Variants in GSDMB observed in about 807,000 individuals in gnomAD.
GSDMB encodes the protein gasdermin B.
In GSDMB, 32 loss-of-function variants were observed where a neutral mutation model predicts 42.9. That is an observed-to-expected ratio of 0.75 (90% CI 0.56 to 1.00). GSDMB has a LOEUF of 1.00. Among genes scored for constraint, GSDMB ranks in the 50% least tolerant of loss-of-function variants. The pLI is 0.00. For missense variants in GSDMB, 468 were observed against 498.5 expected (o/e 0.94, Z 0.58); for synonymous variants, 175 against 193.7 (o/e 0.90, Z 0.80).
chr17:39,916,079 G>C (rs1273855305), intron 2 of GSDMB, among the ~76,000 whole-genome samples: 1 of 152,020 alleles, frequency 6.6e-6, no homozygotes, highest in Non-Finnish European at 1.5e-5. Context: ...AGAGGCAGGG[G>C]GTTGGAATAA....
intron 5 of GSDMB, 108 bp downstream of exon 5, chr17:39,908,850 G>T: frequency 1.3e-6 from 1 of 748,766 alleles, no homozygotes; most frequent in Non-Finnish European, 2.3e-6. Context: ...CAACCTCCAA[G>T]CTCACCAGCC....
chr17:39,912,578 C>A, intron 2 of GSDMB, 81 bp from the exon 3 acceptor site: 1 of 1,101,718 alleles, frequency 9.1e-7, no homozygotes, highest in East Asian at 2.4e-5. Flanking sequence ...GGGGCAGCCC[C>A]ATCCTGGGTT....
chr17:39,914,833 C>CTTTTTTTTTTTTTTTTTTTTTT (rs79835993), intron 2 of GSDMB, among the ~76,000 whole-genome samples: 3 of 140,050 alleles, frequency 2.1e-5, no homozygotes, highest in African/African-American at 2.7e-5. Flanking sequence ...CCTATGCACA[C>CTTTTTTTTTTTTTTTTTTTTTT]TTTTTTTTTT....
chr17:39,907,312 T>A, intron 6 of GSDMB: 1 of 549,572 alleles, frequency 1.8e-6, no homozygotes, highest in Non-Finnish European at 2.5e-6. Context: ...TCTTAGGCAG[T>A]ACAACCCTGC....
chr17:39,905,746 G>T, intron 9 of GSDMB, 101 bp downstream of exon 9: 2 of 1,330,472 alleles, frequency 1.5e-6, no homozygotes, highest in Non-Finnish European at 2.1e-6. Context: ...CCCATAAACT[G>T]TGAAGAGCAA....
chr17:39,905,388 T>C (rs1417827986), intron 10 of GSDMB, 38 bp downstream of exon 10: 8 of 1,421,696 alleles, frequency 5.6e-6, no homozygotes, highest in Non-Finnish European at 7.9e-6. Context: ...GGCATTCCCT[T>C]CCACTATGAC....
Position 39,904,931 on chromosome 17 carries a change from G to C in GSDMB, c.1132C>G (p.Leu378Val). The C allele has an allele frequency of 6.2e-7, 1 of 1,613,748 alleles. No individual in the cohort carries two copies. Among genetic ancestry groups the C allele is most frequent in the Non-Finnish European group, 8.5e-7 (1 of 1,179,718 alleles). Residue 378 changes from leucine (L) to valine (V), a missense_variant, in exon 11 of 11, where the codon CTG (leucine) becomes GTG (valine). Coordinates refer to ENST00000418519, the MANE Select transcript of GSDMB (RefSeq NM_001165958.2). ...TCCATGTCAGGAGGACTGCTGGCCA[G>C]CTCATCCCAGTTCTGCTCCATGACA... The part of the protein sequence containing the change: ...KSVMEQNWDE[L>V]ASSPPDMDYD...
At chr17:39,906,627 T>A in intron 7 of GSDMB, 1 of 1,302,380 alleles carries the variant, frequency 7.7e-7, no homozygotes. Flanking sequence ...AAAGCAGTGG[T>A]TCTCAACCTT....
Position 39,904,699 on chromosome 17 carries a change from G to T in GSDMB, c.*113C>A. 2.4e-6 allele frequency: 2 copies of T among 835,428 alleles called. No individual in the cohort carries two copies. Among genetic ancestry groups the T allele is most frequent in the East Asian group, 2.5e-5 (1 of 40,164 alleles). 51.8% of individuals were successfully genotyped at this position (835,428 alleles called of 1,614,324 possible). On this transcript the variant is annotated 3_prime_UTR_variant, in exon 11 of 11. Transcript: ENST00000418519. ...AATGGGATACATCAAAGAATGGTTG[G>T]CTGCTTGTTTTAAAGAGGTCCCACT...
Position 39,905,733 on chromosome 17 carries a change from C to A in GSDMB, c.1027+114G>T, listed in dbSNP as rs894272198. ...GGCCTGAGGAAGACATGAAGGAGTG[C>A]CCCCCATAAACTGTGAAGAGCAACA... On this transcript the variant is annotated intron_variant, in intron 9 of 10. Coordinates refer to ENST00000418519, the MANE Select transcript of GSDMB (RefSeq NM_001165958.2). The A allele has an allele frequency of 5.0e-5, 60 of 1,188,350 alleles. 1 individual carries two copies. In the Admixed American group the frequency reaches 1.1e-3, roughly 23 times the overall value. The allele number at this position is 1,188,350 out of a possible 1,614,324, so 73.6% of individuals were successfully genotyped here. A position where few individuals can be genotyped will look rare whatever the true frequency, so the allele number is the denominator to read the frequency against.
chr17:39,916,545 C>T (rs1394256045), intron 2 of GSDMB, among the ~76,000 whole-genome samples: 2 of 152,006 alleles, frequency 1.3e-5, no homozygotes, highest in Non-Finnish European at 2.9e-5. Flanking sequence ...CCACCTCGGC[C>T]TCCCAAAGTG....
In GSDMB at chr17:39,908,967, C is replaced by G. The variant is rs1271707898; in HGVS notation, c.652G>C (p.Glu218Gln). 1 of 1,601,784 alleles carries G rather than the reference C, an allele frequency of 6.2e-7. No individual in the cohort carries two copies. Residue 218 changes from glutamate (E) to glutamine (Q), a missense_variant, in exon 5 of 11, where the codon GAG becomes CAG. Physicochemically the swap from Glu to Gln is conservative, Grantham distance 29 (BLOSUM62 2). Transcript: ENST00000418519. Reference sequence around the variant, plus strand: ...ATCTGCCTTTGCTTACTCATCGTCTCCTTGTTGGGGAAGACAAGCTGCTTT... The same window carrying G: ...ATCTGCCTTTGCTTACTCATCGTCTGCTTGTTGGGGAAGACAAGCTGCTTT... ...RVKQLVFPNK[E>Q]TMNIHFRGKT...
intron 9 of GSDMB, 94 bp from the exon 10 acceptor site, chr17:39,905,590 T>A (rs1453835508): frequency 9.2e-7 from 1 of 1,088,916 alleles, no homozygotes; most frequent in East Asian, 2.5e-5. Flanking sequence ...CATCAAAAGG[T>A]TCCAGAGAGC....
chr17:39,918,083 A>C (rs2063748331), intron 1 of GSDMB: 1 of 152,216 alleles, frequency 6.6e-6, no homozygotes, highest in Non-Finnish European at 1.5e-5. Flanking sequence ...AAGGGATGGA[A>C]AGGCAGGCCC....
At chr17:39,918,160 G>C (rs1395662751) in intron 1 of GSDMB, 1 of 152,176 alleles carries the variant, frequency 6.6e-6, no homozygotes, top group Admixed American at 6.5e-5. Context: ...TGACGGGCAC[G>C]GTTGCCAGAC....
intron 10 of GSDMB, chr17:39,905,169 C>T (rs1383563476): frequency 1.3e-5 from 8 of 611,324 alleles, no homozygotes. Context: ...AACTCAAGAT[C>T]ATACCAGCTG....
chr17:39,905,548 C>G, intron 9 of GSDMB, 52 bp from the exon 10 acceptor site: 3 of 1,400,844 alleles, frequency 2.1e-6, no homozygotes, highest in Non-Finnish European at 3.0e-6. Flanking sequence ...TGGGACAGGG[C>G]CTCAGTGGCT....
At chr17:39,915,635 G>T (rs2063697104) in intron 2 of GSDMB, among the ~76,000 whole-genome samples, 1 of 147,170 alleles carries the variant, frequency 6.8e-6, no homozygotes, top group African/African-American at 2.5e-5. Flanking sequence ...CTGACTTTTA[G>T]CAAATTGGCT....
intron 4 of GSDMB, 85 bp downstream of exon 4, chr17:39,909,671 G>A (rs2063570418): frequency 3.3e-6 from 4 of 1,216,620 alleles, no homozygotes; most frequent in Admixed American, 3.9e-5. Context: ...AGGAGTGAAG[G>A]AAGAGTCTAA....
Sources: allele counts gnomAD v4.1 joint callset (sites outside exome capture counted in the v4.1 genomes callset), GRCh38; gene constraint gnomAD v4.1.1; transcripts MANE v1.5; gene names NCBI Gene and HGNC (gene_info 2026-07-23, HGNC 2026-07-21).